TENM2: variants seen among roughly 807,000 people sequenced by gnomAD.
TENM2 encodes the protein teneurin transmembrane protein 2.
In TENM2, 52 loss-of-function variants were observed where a neutral mutation model predicts 245.2. The observed-to-expected ratio is 0.21, with a 90% CI of 0.17 to 0.27. TENM2 has a LOEUF of 0.27. Ranked by LOEUF, TENM2 falls within the 10% of genes least tolerant of loss-of-function variation. The probability of loss-of-function intolerance (pLI) is 1.00; values close to 1 mark genes in which losing one functional copy is unlikely to be tolerated. For synonymous variants in TENM2, 1,363 were observed against 1,438.9 expected, an observed-to-expected ratio of 0.95 and a Z score of 1.19; for missense variants, 3,046 against 3,666.8, an observed-to-expected ratio of 0.83 and a Z score of 4.37.
At chr5:167,453,742 A>G (rs548370213) in intron 2 of TENM2, among the ~76,000 whole-genome samples, 3 of 152,172 alleles carry the variant, frequency 2.0e-5, no homozygotes, top group Admixed American at 1.3e-4. Flanking sequence ...TGAACTGTAA[A>G]TTGAGCCAAT....
chr5:167,768,136 A>ATTCT (rs940234466), intron 2 of TENM2, among the ~76,000 whole-genome samples: 1 of 152,188 alleles, frequency 6.6e-6, no homozygotes, highest in African/African-American at 2.4e-5. Flanking sequence ...CTGTGTTGAC[A>ATTCT]TTCATTGTAA....
At chr5:167,980,849 T>C (rs915117802) in intron 4 of TENM2, among the ~76,000 whole-genome samples, 1 of 151,890 alleles carries the variant, frequency 6.6e-6, no homozygotes, top group Non-Finnish European at 1.5e-5. Flanking sequence ...TGATGATGGA[T>C]TGGGTGTGAG....
chr5:167,910,859 A>G (rs1776489014), intron 3 of TENM2, among the ~76,000 whole-genome samples: 1 of 152,250 alleles, frequency 6.6e-6, no homozygotes, highest in Admixed American at 6.5e-5. Context: ...ATGGCAGCAC[A>G]GTTAAATTCA....
intron 2 of TENM2, among the ~76,000 whole-genome samples, chr5:167,873,834 T>A (rs868486189): frequency 1.3e-5 from 2 of 152,174 alleles, no homozygotes; most frequent in Non-Finnish European, 2.9e-5. Flanking sequence ...CAGCCATGAA[T>A]GAATGGAGTT....
At chr5:167,854,334 G>A (rs1431150328) in intron 2 of TENM2, among the ~76,000 whole-genome samples, 1 of 152,146 alleles carries the variant, frequency 6.6e-6, no homozygotes, top group Non-Finnish European at 1.5e-5. Context: ...ATGTGAATAT[G>A]AGTTTGTAGG....
At chr5:168,259,135 G>T (rs895929465) in intron 27 of TENM2, among the ~76,000 whole-genome samples, 1 of 152,166 alleles carries the variant, frequency 6.6e-6, no homozygotes, top group African/African-American at 2.4e-5. Flanking sequence ...ATTGATCAGT[G>T]TGGAAGGAGT....
intron 10 of TENM2, 117 bp downstream of exon 12, chr5:168,118,603 T>G: frequency 2.6e-6 from 2 of 756,514 alleles, no homozygotes; most frequent in Non-Finnish European, 3.9e-6. Flanking sequence ...TTCAACATTT[T>G]GCACAAAACA....
chr5:168,017,636 G>C (rs922467714), intron 5 of TENM2, among the ~76,000 whole-genome samples: 15 of 152,294 alleles, frequency 9.8e-5, no homozygotes, highest in Non-Finnish European at 1.9e-4. Context: ...AGGAAAGCAG[G>C]CTGCCCCGTT....
intron 2 of TENM2, among the ~76,000 whole-genome samples, chr5:167,527,788 G>T (rs1672377194): frequency 6.6e-6 from 1 of 152,136 alleles, no homozygotes; most frequent in African/African-American, 2.4e-5. Flanking sequence ...CTTATTGGAT[G>T]AAGGTTTAAT....
the TENM2 span, among the ~76,000 whole-genome samples, chr5:167,035,950 C>T: frequency 4.6e-5 from 7 of 152,268 alleles, no homozygotes; most frequent in South Asian, 2.1e-4. Context: ...ACCATGTTGA[C>T]GAGGCTGGTC....
At chr5:167,701,100 G>A (rs1254693182) in intron 2 of TENM2, among the ~76,000 whole-genome samples, 1 of 152,040 alleles carries the variant, frequency 6.6e-6, no homozygotes, top group Non-Finnish European at 1.5e-5. Flanking sequence ...CATTTCATCT[G>A]TGTGACCACT....
intron 12 of TENM2, among the ~76,000 whole-genome samples, chr5:168,135,841 G>A (rs1251158555): frequency 3.3e-5 from 5 of 152,150 alleles, no homozygotes; most frequent in African/African-American, 7.2e-5. Context: ...AGTTGCATCC[G>A]GAAACATCTG....
chr5:168,180,523 A>G (rs1759774005), intron 13 of TENM2, among the ~76,000 whole-genome samples: 1 of 152,198 alleles, frequency 6.6e-6, no homozygotes, highest in Non-Finnish European at 1.5e-5. Context: ...GGATATTTGA[A>G]GGCTTTTTCT....
At chr5:168,138,399 C>A (rs993404371) in intron 12 of TENM2, among the ~76,000 whole-genome samples, 6 of 152,236 alleles carry the variant, frequency 3.9e-5, no homozygotes, top group Admixed American at 2.6e-4. Flanking sequence ...ACTTTCATAT[C>A]TTTACTGTAG....
intron 2 of TENM2, among the ~76,000 whole-genome samples, chr5:167,431,940 C>CACATATATATACATAT (rs1561950212): frequency 1.5e-5 from 1 of 65,856 alleles, no homozygotes; most frequent in African/African-American, 5.9e-5. Flanking sequence ...TATATATATA[C>CACATATATATACATAT]ATATATATGT....
At chr5:167,828,506 C>T (rs866007861) in intron 2 of TENM2, among the ~76,000 whole-genome samples, 2 of 152,180 alleles carry the variant, frequency 1.3e-5, no homozygotes, top group African/African-American at 2.4e-5. Context: ...TTTGATGCTG[C>T]GTCCTCAGCC....
At chr5:168,098,990 A>C (rs1359289747) in intron 9 of TENM2, among the ~76,000 whole-genome samples, 4 of 152,092 alleles carry the variant, frequency 2.6e-5, no homozygotes, top group Non-Finnish European at 4.4e-5. Context: ...GCTCACTGCA[A>C]TCTCCCTGTC....
intron 20 of TENM2, among the ~76,000 whole-genome samples, chr5:168,212,978 GA>G (rs1157175394): frequency 6.6e-6 from 1 of 152,184 alleles, no homozygotes. Flanking sequence ...AGGCTCCCTA[GA>G]AAGTCCAAAA....
the TENM2 span, among the ~76,000 whole-genome samples, chr5:167,099,172 CCT>C: frequency 6.6e-6 from 1 of 152,238 alleles, no homozygotes; most frequent in African/African-American, 2.4e-5. Context: ...AGTTATGTAG[CCT>C]CTCAGTTTTT....
Sources: gnomAD v4.1 joint callset for allele counts (sites outside exome capture counted in the v4.1 genomes callset) on GRCh38, gnomAD v4.1.1 for gene constraint, MANE v1.5 for transcripts, NCBI Gene and HGNC (gene_info 2026-07-23, HGNC 2026-07-21) for gene names.